ZCCHC7: variants seen among roughly 807,000 people sequenced by gnomAD.
ZCCHC7 encodes zinc finger CCHC domain-containing protein 7.
In ZCCHC7, 35 loss-of-function variants were observed where a neutral mutation model predicts 52.0. The observed-to-expected ratio is 0.67, with a 90% CI of 0.51 to 0.89. The LOEUF is 0.89. Ranked by LOEUF, ZCCHC7 falls within the 40% of genes least tolerant of loss-of-function variation. The pLI is 0.00. For synonymous variants in ZCCHC7, 217 were observed against 221.5 expected (o/e 0.98, Z 0.18); for missense variants, 574 against 649.1 (o/e 0.88, Z 1.26).
At chr9:37,194,217 G>A (rs1823167777) in intron 2 of ZCCHC7, among the ~76,000 whole-genome samples, 2 of 152,142 alleles carry the variant, frequency 1.3e-5, no homozygotes, top group South Asian at 2.1e-4. Context: ...TTTTGAGTTA[G>A]CATTTTTAAT....
At chr9:37,313,543 A>G (rs142306229) in intron 5 of ZCCHC7, among the ~76,000 whole-genome samples, 1 of 152,232 alleles carries the variant, frequency 6.6e-6, no homozygotes, top group Non-Finnish European at 1.5e-5. Context: ...ACTTGAAGGC[A>G]TATGGTACAG....
intron 5 of ZCCHC7, among the ~76,000 whole-genome samples, chr9:37,322,707 C>T (rs1048415378): frequency 2.7e-5 from 4 of 149,144 alleles, no homozygotes; most frequent in Non-Finnish European, 5.9e-5. Context: ...AGAAGGTGGC[C>T]ACAAACAGCT....
At chr9:37,207,357 G>A (rs753409016) in intron 2 of ZCCHC7, among the ~76,000 whole-genome samples, 3 of 151,454 alleles carry the variant, frequency 2.0e-5, no homozygotes, top group Admixed American at 6.6e-5. Context: ...TTTTCTATAC[G>A]TTAATGTGTC....
intron 2 of ZCCHC7, among the ~76,000 whole-genome samples, chr9:37,233,627 A>G (rs1307820842): frequency 6.6e-6 from 1 of 152,202 alleles, no homozygotes; most frequent in African/African-American, 2.4e-5. Context: ...TCAAGTAACC[A>G]TTAAGTAGAC....
intron 2 of ZCCHC7, among the ~76,000 whole-genome samples, chr9:37,209,694 A>G (rs1226980320): frequency 3.3e-5 from 5 of 152,194 alleles, no homozygotes; most frequent in Non-Finnish European, 7.4e-5. Context: ...TCTTGAATGC[A>G]TGACTGAATA....
intron 5 of ZCCHC7, among the ~76,000 whole-genome samples, chr9:37,321,261 T>TA (rs1031551818): frequency 9.9e-5 from 15 of 152,084 alleles, no homozygotes; most frequent in Non-Finnish European, 1.9e-4. Context: ...GTGCTGGGAT[T>TA]ACAGGCATGA....
intron 2 of ZCCHC7, among the ~76,000 whole-genome samples, chr9:37,276,687 A>G (rs1827699355): frequency 6.6e-6 from 1 of 152,216 alleles, no homozygotes; most frequent in African/African-American, 2.4e-5. Context: ...TTAGAATCTC[A>G]TATAATTATC....
At chr9:37,294,141 C>A (rs1419064415) in intron 2 of ZCCHC7, among the ~76,000 whole-genome samples, 2 of 151,976 alleles carry the variant, frequency 1.3e-5, no homozygotes, top group African/African-American at 4.8e-5. Flanking sequence ...TTTGAGAAAA[C>A]CAAGACAGAA....
At chr9:37,189,446 G>A (rs1822899710) in intron 2 of ZCCHC7, among the ~76,000 whole-genome samples, 1 of 152,164 alleles carries the variant, frequency 6.6e-6, no homozygotes. Flanking sequence ...GAGTGCAACA[G>A]CGTGGTCTCG....
At chr9:37,337,562 T>C (rs1419873461) in intron 6 of ZCCHC7, among the ~76,000 whole-genome samples, 1 of 152,134 alleles carries the variant, frequency 6.6e-6, no homozygotes, top group Non-Finnish European at 1.5e-5. Context: ...TCCAGGCGGA[T>C]TTGAATTACA....
chr9:37,152,799 T>C (rs369190844), intron 2 of ZCCHC7, among the ~76,000 whole-genome samples: 1 of 152,196 alleles, frequency 6.6e-6, no homozygotes, highest in African/African-American at 2.4e-5. Flanking sequence ...GTATTCTTTT[T>C]TCCCCCCTTC....
At chr9:37,272,507 A>G (rs1008167477) in intron 2 of ZCCHC7, among the ~76,000 whole-genome samples, 1 of 150,820 alleles carries the variant, frequency 6.6e-6, no homozygotes, top group East Asian at 1.9e-4. Context: ...AAAAAAAAAA[A>G]AAAAAAAGAA....
rs75043368 is a variant in ZCCHC7, at chr9:37,124,996, C to T, written c.-21-1316C>T. 5.6e-3 allele frequency among the ~76,000 whole-genome samples: 846 copies of T among 152,122 alleles called. 7 individuals carry two copies. The highest frequency in any genetic ancestry group is 0.019 in the African/African-American group (782 of 41,488). On this transcript the variant is annotated intron_variant, in intron 1 of 8. Coordinates refer to ENST00000336755, the MANE Select transcript of ZCCHC7 (RefSeq NM_032226.3). ...CCTCCTGAGTAGCTGGGATTATAGG[C>T]GCACACCACCACACCCAGCTGATTT...
chr9:37,120,540 T>C (rs985497980), upstream of ZCCHC7: 2 of 399,144 alleles, frequency 5.0e-6, no homozygotes, highest in Non-Finnish European at 8.8e-6. Context: ...GGACGCGGCC[T>C]CCTTACCTCA....
chr9:37,226,586 A>G (rs1004774962), intron 2 of ZCCHC7, among the ~76,000 whole-genome samples: 2 of 152,224 alleles, frequency 1.3e-5, no homozygotes, highest in Non-Finnish European at 2.9e-5. Context: ...TTCAGTTGGG[A>G]AAGGACAAGC....
chr9:37,193,982 C>T (rs905446314), intron 2 of ZCCHC7, among the ~76,000 whole-genome samples: 4 of 152,280 alleles, frequency 2.6e-5, no homozygotes, highest in Admixed American at 6.5e-5. Flanking sequence ...ACAGCGTTTT[C>T]ATTATGATTT....
chr9:37,164,442 T>C (rs1275439459), intron 2 of ZCCHC7, among the ~76,000 whole-genome samples: 1 of 10,868 alleles, frequency 9.2e-5, no homozygotes, highest in Non-Finnish European at 2.3e-4. Flanking sequence ...GAGACTGTCT[T>C]AGATAGATAG....
chr9:37,350,126 T>TG (rs1382514730), intron 7 of ZCCHC7, among the ~76,000 whole-genome samples: 2 of 124,802 alleles, frequency 1.6e-5, no homozygotes, highest in Admixed American at 7.4e-5. Flanking sequence ...TTTGTTTTTT[T>TG]TTTTTTTGGT....
chr9:37,247,293 G>C (rs1340311403), intron 2 of ZCCHC7, among the ~76,000 whole-genome samples: 1 of 152,138 alleles, frequency 6.6e-6, no homozygotes, highest in African/African-American at 2.4e-5. Context: ...GTGATATCAA[G>C]TAACTTTCCT....
Sources: gnomAD v4.1 joint callset for allele counts (sites outside exome capture counted in the v4.1 genomes callset) on GRCh38, gnomAD v4.1.1 for gene constraint, MANE v1.5 for transcripts, NCBI Gene and HGNC (gene_info 2026-07-23, HGNC 2026-07-21) for gene names.